TDRD3: variants seen among roughly 807,000 people sequenced by gnomAD.
The protein encoded by TDRD3 is tudor domain containing 3, also known as tudor domain-containing protein 3.
TDRD3 carries 45 observed loss-of-function variants against 86.7 expected under a neutral mutation model. The observed-to-expected ratio is 0.52, with a 90% CI of 0.41 to 0.67. The LOEUF (loss-of-function observed/expected upper bound fraction) is 0.67. TDRD3 is among the 30% of genes least tolerant of loss of function. The pLI, the probability that TDRD3 is intolerant of heterozygous loss-of-function variation, is 0.00. For synonymous variants in TDRD3, 298 were observed against 301.7 expected (o/e 0.99, Z 0.13); for missense variants, 814 against 889.0 (o/e 0.92, Z 1.07).
chr13:60,553,512 T>C (rs1157875300), intron 12 of TDRD3, among the ~76,000 whole-genome samples: 1 of 151,530 alleles, frequency 6.6e-6, no homozygotes, highest in Non-Finnish European at 1.5e-5. Flanking sequence ...TTCTCTGCTC[T>C]AGAGATACTA....
intron 12 of TDRD3, chr13:60,547,100 A>T: frequency 6.2e-6 from 2 of 324,262 alleles, no homozygotes; most frequent in Non-Finnish European, 8.9e-6. Flanking sequence ...TGCTTTAAAT[A>T]ATTTTCATTA....
At chr13:60,547,779 T>A (rs935789569) in intron 12 of TDRD3, among the ~76,000 whole-genome samples, 1 of 152,210 alleles carries the variant, frequency 6.6e-6, no homozygotes, top group African/African-American at 2.4e-5. Flanking sequence ...ATTCTAAGAA[T>A]GTAAAACCCA....
chr13:60,411,565 A>T (rs933195692), intron 1 of TDRD3, among the ~76,000 whole-genome samples: 4 of 152,242 alleles, frequency 2.6e-5, no homozygotes, highest in African/African-American at 9.6e-5. Flanking sequence ...AGGCTGATGT[A>T]AGAGAAGCCT....
intron 9 of TDRD3, 128 bp downstream of exon 9, chr13:60,510,047 A>T: frequency 9.2e-7 from 1 of 1,089,040 alleles, no homozygotes; most frequent in Non-Finnish European, 1.3e-6. Context: ...TGGAAGGAAC[A>T]CCAGTTTGGG....
chr13:60,548,770 T>C (rs1049253644), intron 12 of TDRD3, among the ~76,000 whole-genome samples: 2 of 148,706 alleles, frequency 1.3e-5, no homozygotes, highest in African/African-American at 5.0e-5. Flanking sequence ...TGCAGTGATA[T>C]GGGTACTCTT....
chr13:60,452,815 G>GTT (rs34514318), intron 3 of TDRD3, among the ~76,000 whole-genome samples: 1 of 144,722 alleles, frequency 6.9e-6, no homozygotes, highest in Admixed American at 6.9e-5. Flanking sequence ...ACTGTTCTTA[G>GTT]TTTTTTTTTT....
At chr13:60,429,380 T>C (rs1954896089) in intron 1 of TDRD3, among the ~76,000 whole-genome samples, 1 of 152,182 alleles carries the variant, frequency 6.6e-6, no homozygotes, top group African/African-American at 2.4e-5. Context: ...TTGAATGACA[T>C]TAAATAAATT....
intron 4 of TDRD3, among the ~76,000 whole-genome samples, chr13:60,464,768 T>C (rs779836515): frequency 6.6e-5 from 10 of 151,984 alleles, no homozygotes; most frequent in Non-Finnish European, 1.5e-4. Flanking sequence ...CTCCTGGAGA[T>C]AGTAAAATGG....
At position 60,461,520 on chromosome 13, in the gene TDRD3, T is replaced by C. The variant is rs146437454; in HGVS notation, c.353+980T>C. Among the ~76,000 whole-genome samples, 464 of 152,278 alleles carry C rather than the reference T, an allele frequency of 3.0e-3. 2 individuals are homozygous for C. The highest frequency in any genetic ancestry group is 0.011 in the African/African-American group (440 of 41,568). ...TGCAGCCCTCCTCCCACCTGCCTTT[T>C]TTGGTCTTCTTTGTCATTTTATACA... On this transcript the variant is annotated intron_variant, in intron 4 of 13. Coordinates refer to ENST00000377881, the MANE Select transcript of TDRD3 (RefSeq NM_001146070.2).
chr13:60,492,179 A>G (rs946622358), intron 7 of TDRD3, among the ~76,000 whole-genome samples: 2 of 152,224 alleles, frequency 1.3e-5, no homozygotes, highest in African/African-American at 4.8e-5. Flanking sequence ...AAAGAAAATT[A>G]TAAGTAAATG....
At chr13:60,446,613 A>G (rs564322002) in intron 3 of TDRD3, among the ~76,000 whole-genome samples, 4 of 152,154 alleles carry the variant, frequency 2.6e-5, no homozygotes, top group Admixed American at 6.5e-5. Context: ...ATTAATGAAG[A>G]TGTTTTGAAA....
intron 11 of TDRD3, among the ~76,000 whole-genome samples, chr13:60,530,616 A>T (rs1044076397): frequency 3.6e-4 from 45 of 125,082 alleles, no homozygotes; most frequent in Admixed American, 2.1e-3. Flanking sequence ...AATTTTTTGT[A>T]TTTTTTTTTT....
At chr13:60,572,387 T>G (rs1958606985) in intron 13 of TDRD3, among the ~76,000 whole-genome samples, 1 of 152,230 alleles carries the variant, frequency 6.6e-6, no homozygotes, top group African/African-American at 2.4e-5. Context: ...GAGAGTGATA[T>G]GATCAAAATT....
chr13:60,475,548 A>G (rs910740272), intron 5 of TDRD3, among the ~76,000 whole-genome samples: 6 of 152,186 alleles, frequency 3.9e-5, no homozygotes, highest in East Asian at 1.9e-4. Flanking sequence ...GAGTGCTGCA[A>G]TGAACAAACA....
chr13:60,461,212 A>C (rs560604832), intron 4 of TDRD3, among the ~76,000 whole-genome samples: 1 of 152,140 alleles, frequency 6.6e-6, no homozygotes, highest in African/African-American at 2.4e-5. Context: ...TGTTCATCAC[A>C]CTGTTTAATG....
At chr13:60,545,339 T>G (rs1345694139) in intron 12 of TDRD3, among the ~76,000 whole-genome samples, 1 of 152,180 alleles carries the variant, frequency 6.6e-6, no homozygotes, top group African/African-American at 2.4e-5. Context: ...AAACTTCTAT[T>G]TAACAGCCTT....
intron 12 of TDRD3, among the ~76,000 whole-genome samples, chr13:60,562,010 C>A (rs1958345472): frequency 6.6e-6 from 1 of 152,008 alleles, no homozygotes; most frequent in Non-Finnish European, 1.5e-5. Context: ...CTGTAATCTT[C>A]ATAGAGAATA....
At chr13:60,455,984 C>T (rs562098895) in intron 3 of TDRD3, among the ~76,000 whole-genome samples, 1 of 149,750 alleles carries the variant, frequency 6.7e-6, no homozygotes, top group Admixed American at 6.7e-5. Flanking sequence ...GAAGGAGAAT[C>T]ACTTGAACCT....
intron 2 of TDRD3, among the ~76,000 whole-genome samples, chr13:60,442,996 C>G (rs1220398964): frequency 6.6e-6 from 1 of 151,862 alleles, no homozygotes. Context: ...TGTATGTATT[C>G]TGTTTCTCAT....
Sources: gnomAD v4.1 joint callset for allele counts (sites outside exome capture counted in the v4.1 genomes callset) on GRCh38, gnomAD v4.1.1 for gene constraint, MANE v1.5 for transcripts, NCBI Gene and HGNC (gene_info 2026-07-23, HGNC 2026-07-21) for gene names.